Variants in KBTBD6 observed in about 807,000 individuals in gnomAD.
The protein encoded by KBTBD6 is kelch repeat and BTB domain containing 6.
In KBTBD6, 6 loss-of-function variants were observed where a neutral mutation model predicts 34.4. That is an observed-to-expected ratio of 0.17 (90% CI 0.10 to 0.34). The LOEUF (loss-of-function observed/expected upper bound fraction) is 0.34. Among genes scored for constraint, KBTBD6 ranks in the 10% least tolerant of loss-of-function variants. KBTBD6 has a pLI of 1.00. For synonymous variants in KBTBD6, 288 were observed against 327.2 expected (o/e 0.88, Z 1.29); for missense variants, 557 against 856.0 (o/e 0.65, Z 4.36).
Position 41,132,383 on chromosome 13 carries a change from C to A in KBTBD6, c.129G>T (p.Thr43=). The A allele has an allele frequency of 6.2e-7, 1 of 1,614,214 alleles. No individual in the cohort carries two copies. Among genetic ancestry groups the A allele is most frequent in the Non-Finnish European group, 8.5e-7 (1 of 1,180,042 alleles). The stretch of plus-strand genomic sequence containing the variant: ...GTGCCAGCAGGGCTGCAGAATGGGC[C>A]GTGTCCTTTAATTCCTCTGGACCCG... ...FFTGPEELKD[T]AHSAALLAQL... Residue 43 remains threonine (T), a synonymous_variant, in exon 1 of 1, where the codon ACG becomes ACT. Transcript: ENST00000379485.
Position 41,130,197 on chromosome 13 carries a change from A to T in KBTBD6, c.*290T>A. 3.9e-6 allele frequency: 1 copy of T among 258,764 alleles called. No individual in the cohort carries two copies. The highest frequency in any genetic ancestry group is 7.3e-6 in the Non-Finnish European group (1 of 137,848). 16.0% of individuals were successfully genotyped at this position (258,764 alleles called of 1,614,324 possible). Reference sequence around the variant, plus strand: ...GCTTGTGGCAGTAAACAGAATGTAAAATGTATCAAAAGACTAAATTAGTGT... The same window carrying T: ...GCTTGTGGCAGTAAACAGAATGTAATATGTATCAAAAGACTAAATTAGTGT... On this transcript the variant is annotated 3_prime_UTR_variant, in exon 1 of 1. Transcript: ENST00000379485. This position sits in a 1 kb window ranked among gnomAD's most constrained non-coding sequence, Gnocchi z 4.8.
In KBTBD6 at chr13:41,132,395, T is replaced by C. The variant is rs373173857; in HGVS notation, c.117A>G (p.Glu39=). ...CTGCAGAATGGGCCGTGTCCTTTAA[T>C]TCCTCTGGACCCGTGAAAAAGGCCG... The part of the protein sequence containing the change: ...TVSAFFTGPE[E]LKDTAHSAAL... The change falls in exon 1 of 1, where the codon GAA becomes GAG. Residue 39 remains glutamate, a synonymous_variant. Transcript: ENST00000379485. 152 of 1,614,200 alleles carry C rather than the reference T, an allele frequency of 9.4e-5. No individual in the cohort carries two copies. Among genetic ancestry groups the C allele is most frequent in the East Asian group, 3.3e-4 (15 of 44,874 alleles).
Position 41,129,663 on chromosome 13 carries a change from CTTTTTTTTTTTTTTTT to C in KBTBD6, c.*808_*823del, listed in dbSNP as rs4053821. ...TGGTTTTTTTTCTTTTTTTTTTTTC[CTTTTTTTTTTTTTTTT>C]TTTTTTGAGACGGAGTCTCACTCTG... On this transcript the variant is annotated 3_prime_UTR_variant, in exon 1 of 1. Coordinates refer to ENST00000379485, the MANE Select transcript of KBTBD6 (RefSeq NM_152903.5). 2 of 87,334 alleles carry C rather than the reference CTTTTTTTTTTTTTTTT, an allele frequency of 2.3e-5. No individual in the cohort carries two copies. The highest frequency in any genetic ancestry group is 4.6e-5 in the African/African-American group (1 of 21,822). 5.4% of individuals were successfully genotyped at this position (87,334 alleles called of 1,614,324 possible). A position where few individuals can be genotyped will look rare whatever the true frequency, so the allele number is the denominator to read the frequency against.
rs765186854 is a variant in KBTBD6 at position 41,131,653 on chromosome 13, C to T, written c.859G>A (p.Val287Met). Reference protein sequence around the residue: ...YLEGLLTKPIVKKYCLDVIEG... With the variant: ...YLEGLLTKPIMKKYCLDVIEG... ...ATAACGTCCAGGCAGTACTTCTTCA[C>T]GATGGGCTTGGTCAGCAGCCCTTCT... Residue 287 changes from valine (V) to methionine (M), a missense_variant, in exon 1 of 1, where the codon GTG becomes ATG. Physicochemically the swap from Val to Met is conservative, Grantham distance 21. This residue lies in a region of KBTBD6 where 309 missense variants were observed against 504.5 expected (regional missense o/e 0.61). Coordinates refer to ENST00000379485, the MANE Select transcript of KBTBD6 (RefSeq NM_152903.5). The surrounding 1 kb of genome is among the most constrained non-coding windows in gnomAD (Gnocchi z 5.8). The T allele has an allele frequency of 1.2e-6, 2 of 1,613,808 alleles. No individual in the cohort carries two copies. Among genetic ancestry groups the T allele is most frequent in the Non-Finnish European group, 1.7e-6 (2 of 1,179,820 alleles).
chr13:41,132,621 A>G lies in KBTBD6; in HGVS notation c.-110T>C. On this transcript the variant is annotated 5_prime_UTR_variant, in exon 1 of 1. Transcript: ENST00000379485. Reference sequence around the variant, plus strand: ...AAGATAGCAGCGTCTCCGAAGAGACAGCAGCACGAGCCCATTTACTGAATT... The same window carrying G: ...AAGATAGCAGCGTCTCCGAAGAGACGGCAGCACGAGCCCATTTACTGAATT... The G allele has an allele frequency of 2.4e-6, 3 of 1,268,856 alleles. No individual in the cohort carries two copies. Among genetic ancestry groups the G allele is most frequent in the Admixed American group, 2.3e-5 (1 of 42,594 alleles). The allele number at this position is 1,268,856 out of a possible 1,614,324, so 78.6% of individuals were successfully genotyped here. A position where few individuals can be genotyped will look rare whatever the true frequency, so the allele number is the denominator to read the frequency against.
chr13:41,131,531 A>T lies in KBTBD6; in HGVS notation c.981T>A (p.Leu327=), dbSNP rs2030094689. 6.2e-7 allele frequency: 1 copy of T among 1,614,004 alleles called. No individual in the cohort carries two copies. Among genetic ancestry groups the T allele is most frequent in the Admixed American group, 1.7e-5 (1 of 60,004 alleles). ...SSSSSSSSNS[L]VSAAENPPQR... is the part of the protein sequence containing the mutation. The stretch of plus-strand genomic sequence containing the variant: ...GGGGTGGATTTTCTGCTGCAGATAC[A>T]AGAGAGTTGCTGCTGCTACTGCTGC... Residue 327 remains leucine, a synonymous_variant, in exon 1 of 1, where the codon CTT becomes CTA. Coordinates refer to ENST00000379485, the MANE Select transcript of KBTBD6 (RefSeq NM_152903.5). The surrounding 1 kb of genome is among the most constrained non-coding windows in gnomAD (Gnocchi z 5.8).
At position 41,130,187 on chromosome 13, in the gene KBTBD6, C is replaced by T. The variant is rs933549531; in HGVS notation, c.*300G>A. ...TTGCCACAGTGCTTGTGGCAGTAAACAGAATGTAAAATGTATCAAAAGACT... is the reference window on the plus strand; with the variant it reads ...TTGCCACAGTGCTTGTGGCAGTAAATAGAATGTAAAATGTATCAAAAGACT... On this transcript the variant is annotated 3_prime_UTR_variant, in exon 1 of 1. Coordinates refer to ENST00000379485, the MANE Select transcript of KBTBD6 (RefSeq NM_152903.5). This position sits in a 1 kb window ranked among gnomAD's most constrained non-coding sequence, Gnocchi z 4.8. The T allele has an allele frequency of 7.6e-5, 18 of 237,678 alleles. No individual in the cohort carries two copies. Among genetic ancestry groups the T allele is most frequent in the African/African-American group, 4.1e-4 (18 of 44,216 alleles). The allele number at this position is 237,678 out of a possible 1,614,324, so 14.7% of individuals were successfully genotyped here.
At position 41,132,059 on chromosome 13, in the gene KBTBD6, T is replaced by C. The variant is rs779687624; in HGVS notation, c.453A>G (p.Leu151=). 12 of 1,614,034 alleles carry C rather than the reference T, an allele frequency of 7.4e-6. No individual in the cohort carries two copies. The highest frequency in any genetic ancestry group is 5.5e-5 in the South Asian group (5 of 91,094). ...AGGCTTCCCGCACATATTCCAGCTGTAGCATGTCGGAGGCCGCGTACAGGC... is the reference window on the plus strand; with the variant it reads ...AGGCTTCCCGCACATATTCCAGCTGCAGCATGTCGGAGGCCGCGTACAGGC... ...VERLYAASDM[L]QLEYVREACA... The change falls in exon 1 of 1, where the codon CTA becomes CTG. Residue 151 remains leucine (L), a synonymous_variant. Coordinates refer to ENST00000379485, the MANE Select transcript of KBTBD6 (RefSeq NM_152903.5).
At position 41,132,536 on chromosome 13, in the gene KBTBD6, T is replaced by C. The variant is rs1444608456; in HGVS notation, c.-25A>G. 1.3e-5 allele frequency: 21 copies of C among 1,604,026 alleles called. No individual in the cohort carries two copies. The highest frequency in any genetic ancestry group is 1.6e-5 in the Non-Finnish European group (19 of 1,173,426). The stretch of plus-strand genomic sequence containing the variant: ...TGGTGGAGATGGCGACGGGCGCTGA[T>C]GGCGAGAAACGCTGCAGGACCCGGC... On this transcript the variant is annotated 5_prime_UTR_variant, in exon 1 of 1. Coordinates refer to ENST00000379485, the MANE Select transcript of KBTBD6 (RefSeq NM_152903.5).
chr13:41,130,397 C>G lies in KBTBD6; in HGVS notation c.*90G>C. ...ATCAACTTTTCCTCTCCTTTAGGAA[C>G]AAAAAGGATATTTAAGATATTTTCC... On this transcript the variant is annotated 3_prime_UTR_variant, in exon 1 of 1. Coordinates refer to ENST00000379485, the MANE Select transcript of KBTBD6 (RefSeq NM_152903.5). The surrounding 1 kb of genome is among the most constrained non-coding windows in gnomAD (Gnocchi z 4.8). The G allele has an allele frequency of 2.0e-6, 2 of 981,692 alleles. No homozygotes were observed. The highest frequency in any genetic ancestry group is 3.0e-6 in the Non-Finnish European group (2 of 666,236). The allele number at this position is 981,692 out of a possible 1,614,324, so 60.8% of individuals were successfully genotyped here.
rs372305994 is a variant in KBTBD6 at position 41,129,346 on chromosome 13, G to T, written c.*1141C>A. 26 of 152,178 alleles carry T rather than the reference G, an allele frequency of 1.7e-4. No individual in the cohort carries two copies. In the South Asian group the frequency reaches 5.4e-3, roughly 32 times the overall value. The allele number at this position is 152,178 out of a possible 1,614,324, so 9.4% of individuals were successfully genotyped here. On this transcript the variant is annotated 3_prime_UTR_variant, in exon 1 of 1. Coordinates refer to ENST00000379485, the MANE Select transcript of KBTBD6 (RefSeq NM_152903.5). Reference sequence around the variant, plus strand: ...TATACATGTCCAGCAGAAAAAAAAGGATTATTCCTGATTAAATGAAGCATG... The same window carrying T: ...TATACATGTCCAGCAGAAAAAAAAGTATTATTCCTGATTAAATGAAGCATG...
At position 41,130,796 on chromosome 13, in the gene KBTBD6, G is replaced by A. The variant is rs1227988468; in HGVS notation, c.1716C>T (p.Thr572=). ...TCTTTTTCCACTGTGGGGTGCGAGAGGTGATGAGCAACAATTTTTGGCCAT... is the reference window on the plus strand; with the variant it reads ...TCTTTTTCCACTGTGGGGTGCGAGAAGTGATGAGCAACAATTTTTGGCCAT... ...IKHGQKLLLI[T]SRTPQWKKNR... Residue 572 remains threonine (T), a synonymous_variant, in exon 1 of 1, where the codon ACC becomes ACT. Coordinates refer to ENST00000379485, the MANE Select transcript of KBTBD6 (RefSeq NM_152903.5). The surrounding 1 kb of genome is among the most constrained non-coding windows in gnomAD (Gnocchi z 4.8). 7 of 1,614,182 alleles carry A rather than the reference G, an allele frequency of 4.3e-6. No homozygotes were observed. Among genetic ancestry groups the A allele is most frequent in the Non-Finnish European group, 5.9e-6 (7 of 1,180,040 alleles).
Position 41,129,063 on chromosome 13 carries a change from T to C in KBTBD6, c.*1424A>G, listed in dbSNP as rs2030041776. ...TTCCATGCTACACAAAACAGTTCTA[T>C]ACACAGCTTTACAGTTTTAAAGTTC... On this transcript the variant is annotated 3_prime_UTR_variant, in exon 1 of 1. Transcript: ENST00000379485. The C allele has an allele frequency of 6.5e-6, 1 of 152,706 alleles. No individual in the cohort carries two copies. The highest frequency in any genetic ancestry group is 1.5e-5 in the Non-Finnish European group (1 of 68,056). The allele number at this position is 152,706 out of a possible 1,614,324, so 9.5% of individuals were successfully genotyped here.
rs368406294 is a variant in KBTBD6 at position 41,132,559 on chromosome 13, G to A, written c.-48C>T. 9.5e-6 allele frequency: 15 copies of A among 1,579,708 alleles called. No homozygotes were observed. Among genetic ancestry groups the A allele is most frequent in the Non-Finnish European group, 1.3e-5 (15 of 1,159,526 alleles). On this transcript the variant is annotated 5_prime_UTR_variant, in exon 1 of 1. Coordinates refer to ENST00000379485, the MANE Select transcript of KBTBD6 (RefSeq NM_152903.5). Reference sequence around the variant, plus strand: ...GATGGCGAGAAACGCTGCAGGACCCGGCTCTGGCTCCTCCTCAACCTTCCC... The same window carrying A: ...GATGGCGAGAAACGCTGCAGGACCCAGCTCTGGCTCCTCCTCAACCTTCCC...
chr13:41,130,948 T>C lies in KBTBD6; in HGVS notation c.1564A>G (p.Asn522Asp). The C allele has an allele frequency of 6.2e-7, 1 of 1,614,146 alleles. No homozygotes were observed. The highest frequency in any genetic ancestry group is 8.5e-7 in the Non-Finnish European group (1 of 1,180,000). Reference sequence around the variant, plus strand: ...TCACAGATACAATAGATCTCCTCATTGAAGACGCAGGCTTCCTGAAAGTCA... The same window carrying C: ...TCACAGATACAATAGATCTCCTCATCGAAGACGCAGGCTTCCTGAAAGTCA... ...RNDFQEACVFNEEIYCICDIP... is the reference protein window; with the variant it reads ...RNDFQEACVFDEEIYCICDIP... Residue 522 changes from asparagine to aspartate, a missense_variant, in exon 1 of 1, where the codon AAT becomes GAT. Asn to Asp is a conservative substitution (Grantham distance 23). Coordinates refer to ENST00000379485, the MANE Select transcript of KBTBD6 (RefSeq NM_152903.5). This position sits in a 1 kb window ranked among gnomAD's most constrained non-coding sequence, Gnocchi z 4.8.
In KBTBD6 at chr13:41,131,364, G is replaced by C. The variant is rs1301534289; in HGVS notation, c.1148C>G (p.Thr383Ser). The C allele has an allele frequency of 1.2e-6, 2 of 1,614,162 alleles. No individual in the cohort carries two copies. The highest frequency in any genetic ancestry group is 8.5e-7 in the Non-Finnish European group (1 of 1,180,022). ...AGGAGAGATACAGACAGCTAAAGTG[G>C]TGACAGTCCTAGTGTGAGCCAGACA... is the stretch of plus-strand genomic sequence containing the variant. ...LTCLAHTRTVTTLAVCISPDH... is the reference protein window; with the variant it reads ...LTCLAHTRTVSTLAVCISPDH... The change falls in exon 1 of 1, where the codon ACC (threonine) becomes AGC (serine). Residue 383 changes from threonine to serine, a missense_variant. Transcript: ENST00000379485. The surrounding 1 kb of genome is among the most constrained non-coding windows in gnomAD (Gnocchi z 5.8).
Position 41,130,524 on chromosome 13 carries a change from G to A in KBTBD6, c.1988C>T (p.Ser663Phe). The change falls in exon 1 of 1, where the codon TCT (serine) becomes TTT (phenylalanine). Residue 663 changes from serine (S) to phenylalanine (F), a missense_variant. By Grantham distance (155) the Ser-to-Phe change is radical. Transcript: ENST00000379485. This position sits in a 1 kb window ranked among gnomAD's most constrained non-coding sequence, Gnocchi z 4.8. ...TACACGCACCCAAAAATCATCATCA[G>A]AAAGAGAACTTGAACTTCCTGACTC... ...DSESGSSSSL[S>F]DDDFWVRVAP... 1.2e-6 allele frequency: 2 copies of A among 1,614,102 alleles called. No homozygotes were observed. The highest frequency in any genetic ancestry group is 2.2e-5 in the South Asian group (2 of 91,050).
At position 41,132,477 on chromosome 13, in the gene KBTBD6, C is replaced by T. The variant is rs146711383; in HGVS notation, c.35G>A (p.Arg12His). The T allele has an allele frequency of 1.9e-4, 311 of 1,614,134 alleles. No homozygotes were observed. Among genetic ancestry groups the T allele is most frequent in the Admixed American group, 3.5e-4 (21 of 60,026 alleles). ...QSREDAPRSR[R>H]LASPRGGKRP... The stretch of plus-strand genomic sequence containing the variant: ...CTTCCCACCACGGGGACTGGCTAGG[C>T]GGCGAGAGCGCGGGGCGTCTTCCCG... Residue 12 changes from arginine to histidine, a missense_variant, in exon 1 of 1, where the codon CGC becomes CAC. By Grantham distance (29) the Arg-to-His change is conservative. Around this residue, in one of 4 missense-constraint regions of KBTBD6, gnomAD observed 40 missense variants for 39.9 expected, o/e 1.00. Coordinates refer to ENST00000379485, the MANE Select transcript of KBTBD6 (RefSeq NM_152903.5).
rs376081538 is a variant in KBTBD6, at chr13:41,128,616, T to A, written c.*1871A>T. The A allele has an allele frequency of 2.5e-6, 1 of 394,662 alleles. No homozygotes were observed. The highest frequency in any genetic ancestry group is 4.5e-6 in the Non-Finnish European group (1 of 223,362). The allele number at this position is 394,662 out of a possible 1,614,324, so 24.4% of individuals were successfully genotyped here. ...GGCCTCAAATGCCATCATCCACTTA[T>A]GTTCTTTAACTATCAACTTTGTTTT... On this transcript the variant is annotated 3_prime_UTR_variant, in exon 1 of 1. Coordinates refer to ENST00000379485, the MANE Select transcript of KBTBD6 (RefSeq NM_152903.5).
Sources: gnomAD v4.1 joint callset for allele counts on GRCh38, gnomAD v4.1.1 for gene constraint, gnomAD v4.1.1 regional missense constraint, Gnocchi (gnomAD v3.1) non-coding constraint, MANE v1.5 for transcripts, NCBI Gene and HGNC (gene_info 2026-07-23, HGNC 2026-07-21) for gene names.